Variants in C14orf180 observed in about 807,000 individuals in gnomAD.
C14orf180 encodes the protein nutritionally-regulated adipose and cardiac enriched protein homolog.
A neutral mutation model predicts 13.9 loss-of-function variants in C14orf180; 13 were observed. The observed-to-expected ratio is 0.94, with a 90% CI of 0.61 to 1.49. C14orf180 has a LOEUF of 1.49. Among genes scored for constraint, C14orf180 ranks in the 40% most tolerant of loss-of-function variants. The pLI is 0.00. For missense variants in C14orf180, 238 were observed against 232.0 expected (o/e 1.03, Z -0.17); for synonymous variants, 113 against 106.3 (o/e 1.06, Z -0.39).
At chr14:104,588,220 C>T (rs1223395931) in intron 3 of C14orf180, 54 bp from the exon 4 acceptor site, 38 of 1,609,268 alleles carry the variant, frequency 2.4e-5, no homozygotes, top group Admixed American at 5.0e-5. Context: ...AGGGCGGGGG[C>T]GCCCGATGGA....
intron 1 of C14orf180, among the ~76,000 whole-genome samples, chr14:104,582,013 G>A (rs903615379): frequency 7.2e-5 from 11 of 152,290 alleles, no homozygotes; most frequent in Admixed American, 3.3e-4. Flanking sequence ...GCTCAGAGCC[G>A]AGGAAGGACC....
At chr14:104,582,962 C>A (rs1005605719) in intron 1 of C14orf180, among the ~76,000 whole-genome samples, 3 of 152,148 alleles carry the variant, frequency 2.0e-5, no homozygotes, top group Admixed American at 2.0e-4. Context: ...GAAAATGAGG[C>A]CCAGGGAGGT....
intron 1 of C14orf180, among the ~76,000 whole-genome samples, chr14:104,585,155 T>C (rs1886575332): frequency 6.6e-6 from 1 of 152,150 alleles, no homozygotes; most frequent in African/African-American, 2.4e-5. Flanking sequence ...ACCTGCCCTG[T>C]GAGGGGCAGG....
chr14:104,586,612 A>T (rs2140464110), intron 2 of C14orf180, 71 bp downstream of exon 2: 1 of 933,622 alleles, frequency 1.1e-6, no homozygotes, highest in African/African-American at 1.8e-5. Context: ...GGCAGGGAGC[A>T]ACAGACGTGG....
At chr14:104,582,676 A>G (rs966981172) in intron 1 of C14orf180, among the ~76,000 whole-genome samples, 1 of 152,142 alleles carries the variant, frequency 6.6e-6, no homozygotes, top group Non-Finnish European at 1.5e-5. Flanking sequence ...TCAGTAGAGG[A>G]GCTGGTAAGA....
At chr14:104,586,671 G>T in intron 2 of C14orf180, 130 bp downstream of exon 2, 1 of 457,994 alleles carries the variant, frequency 2.2e-6, no homozygotes, top group Non-Finnish European at 3.8e-6. Flanking sequence ...GAGGAGGGCA[G>T]GGGGATCACT....
chr14:104,586,126 C>T (rs1391394452), intron 1 of C14orf180, among the ~76,000 whole-genome samples: 2 of 152,192 alleles, frequency 1.3e-5, no homozygotes, highest in African/African-American at 4.8e-5. Flanking sequence ...CTTTCAGTGA[C>T]GGGACCTCGG....
rs1886722165 is a variant in C14orf180 at position 104,588,593 on chromosome 14, G to A, written c.293G>A (p.Arg98Lys). 6.8e-7 allele frequency: 1 copy of A among 1,461,528 alleles called. No individual in the cohort carries two copies. The highest frequency in any genetic ancestry group is 9.0e-7 in the Non-Finnish European group (1 of 1,110,188). 90.5% of individuals were successfully genotyped at this position (1,461,528 alleles called of 1,614,324 possible). A position where few individuals can be genotyped will look rare whatever the true frequency, so the allele number is the denominator to read the frequency against. Residue 98 changes from arginine to lysine, a missense_variant, in exon 5 of 5, where the codon AGG (arginine) becomes AAG (lysine). Arg to Lys is a conservative substitution (Grantham distance 26). Coordinates refer to ENST00000557649, the MANE Select transcript of C14orf180 (RefSeq NM_001008404.3). Reference protein sequence around the residue: ...TATVRVPGRPRPHGGSLLLQL... With the variant: ...TATVRVPGRPKPHGGSLLLQL... ...CTGGCCGCAGTGCCCGGCCGGCCCA[G>A]GCCACACGGCGGCTCCCTGCTCCTG...
chr14:104,582,165 C>G (rs1263027696), intron 1 of C14orf180, among the ~76,000 whole-genome samples: 2 of 152,154 alleles, frequency 1.3e-5, no homozygotes, highest in Non-Finnish European at 2.9e-5. Context: ...GCGGCACGGG[C>G]CAGGCAGAGG....
chr14:104,589,264 G>T lies in C14orf180; in HGVS notation c.*481G>T, dbSNP rs1038962454. 1 of 195,262 alleles carries T rather than the reference G, an allele frequency of 5.1e-6. No individual in the cohort carries two copies. The highest frequency in any genetic ancestry group is 1.0e-5 in the Non-Finnish European group (1 of 96,916). 12.1% of individuals were successfully genotyped at this position (195,262 alleles called of 1,614,324 possible). On this transcript the variant is annotated 3_prime_UTR_variant, in exon 5 of 5. Transcript: ENST00000557649. The surrounding 1 kb of genome is among the most constrained non-coding windows in gnomAD (Gnocchi z 4.9). The stretch of plus-strand genomic sequence containing the variant: ...GGGAATCCAGACCTCGAAACCCCAC[G>T]GGGAGGGAAGGGTCTGGTTGTCAAG...
chr14:104,586,116 C>G (rs1161406240), intron 1 of C14orf180, among the ~76,000 whole-genome samples: 2 of 152,250 alleles, frequency 1.3e-5, no homozygotes, highest in Non-Finnish European at 2.9e-5. Context: ...TCGAGGGTGA[C>G]TTTCAGTGAC....
chr14:104,585,114 G>T (rs1886574036), intron 1 of C14orf180, among the ~76,000 whole-genome samples: 1 of 152,230 alleles, frequency 6.6e-6, no homozygotes, highest in African/African-American at 2.4e-5. Flanking sequence ...GGACCACGGG[G>T]AGCCAGGGAA....
Position 104,589,053 on chromosome 14 carries a change from G to A in C14orf180, c.*270G>A, listed in dbSNP as rs571192250. ...ATTTTATTAGAAAGAGGATTCGACTGCTAACAGTTGAGGCTCCCCAGGCTC... is the reference window on the plus strand; with the variant it reads ...ATTTTATTAGAAAGAGGATTCGACTACTAACAGTTGAGGCTCCCCAGGCTC... On this transcript the variant is annotated 3_prime_UTR_variant, in exon 5 of 5. Coordinates refer to ENST00000557649, the MANE Select transcript of C14orf180 (RefSeq NM_001008404.3). This position sits in a 1 kb window ranked among gnomAD's most constrained non-coding sequence, Gnocchi z 4.9. 6.7e-4 allele frequency: 435 copies of A among 653,498 alleles called. 1 individual carries two copies. Among genetic ancestry groups the A allele is most frequent in the Non-Finnish European group, 9.1e-4 (374 of 410,522 alleles). The allele number at this position is 653,498 out of a possible 1,614,324, so 40.5% of individuals were successfully genotyped here.
Position 104,589,919 on chromosome 14 carries a change from C to G in C14orf180, c.*1136C>G, listed in dbSNP as rs373571402. 6.6e-6 allele frequency: 1 copy of G among 152,222 alleles called. No individual in the cohort carries two copies. Among genetic ancestry groups the G allele is most frequent in the East Asian group, 1.9e-4 (1 of 5,184 alleles). The allele number at this position is 152,222 out of a possible 1,614,324, so 9.4% of individuals were successfully genotyped here. ...AAGGAATCGGCCTCAGTGGCCAAAG[C>G]GGATGTCCTGGGCGCCTGGAACCTC... On this transcript the variant is annotated 3_prime_UTR_variant, in exon 5 of 5. Transcript: ENST00000557649. This position sits in a 1 kb window ranked among gnomAD's most constrained non-coding sequence, Gnocchi z 4.9.
chr14:104,582,564 C>G (rs1283482286), intron 1 of C14orf180, among the ~76,000 whole-genome samples: 3 of 152,314 alleles, frequency 2.0e-5, no homozygotes, highest in East Asian at 3.9e-4. Context: ...GCTCCGGGCC[C>G]TGACTCCCGC....
intron 1 of C14orf180, among the ~76,000 whole-genome samples, chr14:104,582,355 C>T (rs897421157): frequency 1.3e-5 from 2 of 152,174 alleles, no homozygotes; most frequent in African/African-American, 2.4e-5. Context: ...GGGAGGGACT[C>T]GGCACTGCCA....
chr14:104,584,269 G>C (rs1390896436), intron 1 of C14orf180, among the ~76,000 whole-genome samples: 2 of 152,208 alleles, frequency 1.3e-5, no homozygotes, highest in African/African-American at 4.8e-5. Context: ...GTGGCCCTGG[G>C]CACGCCAGCC....
chr14:104,584,931 C>T (rs575286116), intron 1 of C14orf180, among the ~76,000 whole-genome samples: 2 of 152,210 alleles, frequency 1.3e-5, no homozygotes, highest in East Asian at 1.9e-4. Flanking sequence ...GGACGGCACA[C>T]GGCTGCTGGA....
Position 104,586,428 on chromosome 14 carries a change from T to C in C14orf180, c.-3T>C, listed in dbSNP as rs1229178336. 6.6e-7 allele frequency: 1 copy of C among 1,512,760 alleles called. No individual in the cohort carries two copies. Among genetic ancestry groups the C allele is most frequent in the South Asian group, 1.3e-5 (1 of 78,570 alleles). 93.7% of individuals were successfully genotyped at this position (1,512,760 alleles called of 1,614,324 possible). On this transcript the variant is annotated 5_prime_UTR_variant, in exon 2 of 5. An upstream open reading frame in the 5' UTR loses its in-frame stop. Transcript: ENST00000557649. The stretch of plus-strand genomic sequence containing the variant: ...TGCTTATCTTAGGACCATGTTCCAG[T>C]AAATGAGGACTGCAGCAGGAGCCGT...
Sources: allele counts gnomAD v4.1 joint callset (sites outside exome capture counted in the v4.1 genomes callset), GRCh38; gene constraint gnomAD v4.1.1; non-coding constraint Gnocchi (gnomAD v3.1); transcripts MANE v1.5; gene names NCBI Gene and HGNC (gene_info 2026-07-23, HGNC 2026-07-21).